The following CRYL1 variants were observed in gnomAD, a reference collection of about 807,000 sequenced individuals.
CRYL1 encodes crystallin lambda 1, also known as lambda-crystallin homolog.
A neutral mutation model predicts 36.6 loss-of-function variants in CRYL1; 29 were observed. The observed-to-expected ratio is 0.79, with a 90% CI of 0.59 to 1.08. The LOEUF is 1.08. Among genes scored for constraint, CRYL1 ranks in the 50% least tolerant of loss-of-function variants. The probability of loss-of-function intolerance (pLI) is 0.00; values close to 1 mark genes in which losing one functional copy is unlikely to be tolerated. For missense variants in CRYL1, 411 were observed against 407.9 expected, an observed-to-expected ratio of 1.01 and a Z score of -0.06; for synonymous variants, 152 against 151.5, an observed-to-expected ratio of 1.00 and a Z score of -0.02.
intron 2 of CRYL1, among the ~76,000 whole-genome samples, chr13:20,501,438 T>C (rs915288476): frequency 2.5e-4 from 38 of 152,324 alleles, no homozygotes; most frequent in African/African-American, 8.9e-4. Context: ...TATGACTCCA[T>C]GTATAATGCA....
intron 5 of CRYL1, among the ~76,000 whole-genome samples, chr13:20,419,909 C>A (rs773572538): frequency 2.6e-5 from 4 of 152,220 alleles, no homozygotes; most frequent in Admixed American, 6.5e-5. Flanking sequence ...AAAGATCTGA[C>A]CCAGTGGTTC....
At chr13:20,434,308 T>C (rs1050092472) in intron 4 of CRYL1, among the ~76,000 whole-genome samples, 2 of 152,164 alleles carry the variant, frequency 1.3e-5, no homozygotes, top group Non-Finnish European at 1.5e-5. Context: ...CTTTCCTGTC[T>C]TACAAGAGGA....
rs2032358217 is a variant in CRYL1, at chr13:20,441,906, C to T, written c.277-2152G>A. Among the ~76,000 whole-genome samples the T allele has an allele frequency of 1.3e-5, 2 of 151,884 alleles. 1 individual carries two copies. The highest frequency in any genetic ancestry group is 2.9e-5 in the Non-Finnish European group (2 of 67,998). On this transcript the variant is annotated intron_variant, in intron 3 of 7. Coordinates refer to ENST00000298248, the MANE Select transcript of CRYL1 (RefSeq NM_015974.3). ...GAATCTTTTTAAAGAAACAAAAGTTCGCATGAGCACCACATCTCAAAGACA... is the reference window on the plus strand; with the variant it reads ...GAATCTTTTTAAAGAAACAAAAGTTTGCATGAGCACCACATCTCAAAGACA...
chr13:20,445,777 G>A (rs1190908993), intron 3 of CRYL1, among the ~76,000 whole-genome samples: 1 of 152,154 alleles, frequency 6.6e-6, no homozygotes. Flanking sequence ...GTAAAACTAT[G>A]ACAAAAATCA....
chr13:20,485,287 G>A (rs1250939036), intron 3 of CRYL1, among the ~76,000 whole-genome samples: 1 of 152,260 alleles, frequency 6.6e-6, no homozygotes. Flanking sequence ...CCAAAGTGCT[G>A]GGATTACAGG....
intron 5 of CRYL1, chr13:20,431,099 A>C (rs2137388796): frequency 4.1e-6 from 4 of 985,396 alleles, no homozygotes; most frequent in Non-Finnish European, 4.8e-6. Flanking sequence ...TGGCCCAACA[A>C]GAGAAGCAGG....
chr13:20,444,900 T>C (rs897973874), intron 3 of CRYL1, among the ~76,000 whole-genome samples: 3 of 152,194 alleles, frequency 2.0e-5, no homozygotes, highest in Non-Finnish European at 2.9e-5. Flanking sequence ...GTATTTTTAG[T>C]AGAGACGGGG....
chr13:20,474,560 T>C (rs1489594093), intron 3 of CRYL1, among the ~76,000 whole-genome samples: 1 of 146,440 alleles, frequency 6.8e-6, no homozygotes, highest in East Asian at 2.1e-4. Flanking sequence ...TTGTAATTAG[T>C]AATATTTTTC....
At chr13:20,510,450 G>A (rs2033892495) in intron 2 of CRYL1, among the ~76,000 whole-genome samples, 1 of 152,116 alleles carries the variant, frequency 6.6e-6, no homozygotes, top group African/African-American at 2.4e-5. Flanking sequence ...GTAAAACTGT[G>A]GAGACCGTAA....
intron 3 of CRYL1, chr13:20,440,037 C>T (rs2032320428): frequency 6.7e-6 from 2 of 299,592 alleles, no homozygotes; most frequent in Non-Finnish European, 1.3e-5. Context: ...GCCCTCCCTA[C>T]ACCCAGAGAA....
chr13:20,469,122 G>T (rs2033003238), intron 3 of CRYL1, among the ~76,000 whole-genome samples: 2 of 152,142 alleles, frequency 1.3e-5, no homozygotes, highest in African/African-American at 2.4e-5. Context: ...TTACTTTCTG[G>T]TGCCTTTTGA....
chr13:20,507,719 CCATCCTGGCTAA>C (rs879450451), intron 2 of CRYL1, among the ~76,000 whole-genome samples: 6 of 151,762 alleles, frequency 4.0e-5, no homozygotes, highest in Non-Finnish European at 8.8e-5. Context: ...GAGATCGAGA[CCATCCTGGCTAA>C]CACAGTGAAA....
intron 5 of CRYL1, among the ~76,000 whole-genome samples, chr13:20,421,014 T>A (rs904112522): frequency 6.6e-6 from 1 of 151,710 alleles, no homozygotes; most frequent in Non-Finnish European, 1.5e-5. Flanking sequence ...ATTACAGGCG[T>A]GAGCCACTGC....
At chr13:20,460,603 G>C (rs934570454) in intron 3 of CRYL1, among the ~76,000 whole-genome samples, 1 of 129,946 alleles carries the variant, frequency 7.7e-6, no homozygotes. Context: ...TCGGCTCACT[G>C]CAAGCTCCGC....
intron 1 of CRYL1, among the ~76,000 whole-genome samples, chr13:20,515,006 C>G (rs2033977121): frequency 6.6e-6 from 1 of 152,122 alleles, no homozygotes; most frequent in Admixed American, 6.6e-5. Context: ...CAGAGCTATT[C>G]AGCCACAAAA....
At chr13:20,487,025 C>T (rs1210774385) in intron 3 of CRYL1, among the ~76,000 whole-genome samples, 1 of 152,054 alleles carries the variant, frequency 6.6e-6, no homozygotes, top group East Asian at 1.9e-4. Flanking sequence ...GAGGGTTCAC[C>T]ACTTTATAAA....
intron 3 of CRYL1, among the ~76,000 whole-genome samples, chr13:20,447,767 A>G (rs2032487758): frequency 6.6e-6 from 1 of 152,244 alleles, no homozygotes; most frequent in Non-Finnish European, 1.5e-5. Context: ...AAGGATAACC[A>G]TAACAACTGC....
intron 3 of CRYL1, among the ~76,000 whole-genome samples, chr13:20,482,746 T>TGTGTGTGTGTGCGCGC (rs933426635): frequency 1.3e-4 from 20 of 152,282 alleles, no homozygotes; most frequent in Non-Finnish European, 2.9e-5. Flanking sequence ...AGTCTGTGTG[T>TGTGTGTGTGTGCGCGC]GTGTGTGTGT....
chr13:20,438,355 A>G (rs1027224905), intron 4 of CRYL1, among the ~76,000 whole-genome samples: 2 of 152,238 alleles, frequency 1.3e-5, no homozygotes, highest in Admixed American at 6.5e-5. Flanking sequence ...GTCCTGTGAC[A>G]TCATTGCTCC....
Sources: allele counts gnomAD v4.1 joint callset (sites outside exome capture counted in the v4.1 genomes callset), GRCh38; gene constraint gnomAD v4.1.1; transcripts MANE v1.5; gene names NCBI Gene and HGNC (gene_info 2026-07-23, HGNC 2026-07-21).